BNIP2: variants seen among roughly 807,000 people sequenced by gnomAD.
BNIP2 encodes BCL2/adenovirus E1B 19 kDa protein-interacting protein 2.
In BNIP2, 36 loss-of-function variants were observed where a neutral mutation model predicts 43.4. That is an observed-to-expected ratio of 0.83 (90% CI 0.64 to 1.10). The LOEUF is 1.10. Ranked by LOEUF, BNIP2 falls within the 50% of genes least tolerant of loss-of-function variation. BNIP2 has a pLI of 0.00. For synonymous variants in BNIP2, 146 were observed against 121.0 expected (o/e 1.21, Z -1.35); for missense variants, 417 against 374.1 (o/e 1.11, Z -0.95).
At position 59,664,429 on chromosome 15, in the gene BNIP2, T is replaced by C. The variant is rs1892445967; in HGVS notation, c.894-309A>G. The stretch of plus-strand genomic sequence containing the variant: ...CGGAGTCTTGCTCTGTCACCCAGGC[T>C]GGAGTGCAGTGGCACAATCTCAGCT... On this transcript the variant is annotated intron_variant, in intron 9 of 9. Transcript: ENST00000607373. Among the ~76,000 whole-genome samples the C allele has an allele frequency of 2.0e-5, 3 of 152,158 alleles. No individual in the cohort carries two copies. In the South Asian group the frequency reaches 6.2e-4, roughly 31 times the overall value.
intron 9 of BNIP2, among the ~76,000 whole-genome samples, chr15:59,667,308 T>A (rs967402997): frequency 6.6e-6 from 1 of 152,212 alleles, no homozygotes; most frequent in African/African-American, 2.4e-5. Context: ...TACATATAAA[T>A]CTCTCACCGT....
In BNIP2 at chr15:59,678,876, A is replaced by C. The variant is rs6151512; in HGVS notation, c.295+716T>G. The C allele has an allele frequency of 5.1e-5, 66 of 1,300,224 alleles. No homozygotes were observed. The Admixed American group carries it at 1.5e-3, about 30-fold the overall frequency. The allele number at this position is 1,300,224 out of a possible 1,614,324, so 80.5% of individuals were successfully genotyped here. Reference sequence around the variant, plus strand: ...GAAAGAAGAGACAAAACACATAGGCACAAAACTATTTCAGTATCTTTACAA... The same window carrying C: ...GAAAGAAGAGACAAAACACATAGGCCCAAAACTATTTCAGTATCTTTACAA... On this transcript the variant is annotated intron_variant, in intron 4 of 9. Coordinates refer to ENST00000607373, the MANE Select transcript of BNIP2 (RefSeq NM_004330.4).
intron 8 of BNIP2, 33 bp downstream of exon 8, chr15:59,669,243 A>C (rs756712716): frequency 7.0e-7 from 1 of 1,424,426 alleles, no homozygotes; most frequent in Admixed American, 2.4e-5. Context: ...AATAAAAAAA[A>C]TAAAATTAAA....
At position 59,671,215 on chromosome 15, in the gene BNIP2, CCATCCCAGACTGGG is replaced by C. The variant is rs1566961092; in HGVS notation, c.661_674del (p.Pro221AlafsTer9). The C allele has an allele frequency of 6.2e-7, 1 of 1,601,406 alleles. No individual in the cohort carries two copies. The highest frequency in any genetic ancestry group is 8.5e-7 in the Non-Finnish European group (1 of 1,173,118). On this transcript the variant is annotated frameshift_variant, in exon 7 of 10. Transcript: ENST00000607373. LOFTEE classifies it high-confidence loss of function. ...CAATTTGCTGATAACATTTCCTGAG[CCATCCCAGACTGGG>C]CATTTTTCTTCGAGTTGTTGCACCA...
Position 59,678,013 on chromosome 15 carries a change from T to C in BNIP2, c.370A>G (p.Lys124Glu). Residue 124 changes from lysine to glutamate, a missense_variant, in exon 5 of 10, where the codon AAA (lysine) becomes GAA (glutamate). Transcript: ENST00000607373. ...SITEYTAAEE[K>E]EDGRRWRMFR... ...ATACGCCAGCGTCGTCCATCTTCTT[T>C]TTCCTCTGCTGCTGTGTATTCAGTA... 6.2e-7 allele frequency: 1 copy of C among 1,614,014 alleles called. No individual in the cohort carries two copies. Among genetic ancestry groups the C allele is most frequent in the South Asian group, 1.1e-5 (1 of 91,086 alleles).
chr15:59,670,810 A>G (rs1342884051), intron 7 of BNIP2, among the ~76,000 whole-genome samples: 1 of 152,228 alleles, frequency 6.6e-6, no homozygotes, highest in Non-Finnish European at 1.5e-5. Flanking sequence ...GCGGTGGCTC[A>G]CGCCTGTAAT....
chr15:59,686,023 TA>T, intron 1 of BNIP2, among the ~76,000 whole-genome samples: 1 of 152,250 alleles, frequency 6.6e-6, no homozygotes, highest in African/African-American at 2.4e-5. Context: ...GGCACAGGAA[TA>T]ACTTGATTTC....
In BNIP2 at chr15:59,664,133, G is replaced by T. The variant is rs975218964; in HGVS notation, c.894-13C>A. 1.3e-6 allele frequency: 2 copies of T among 1,491,418 alleles called. No homozygotes were observed. The highest frequency in any genetic ancestry group is 1.4e-5 in the African/African-American group (1 of 70,738). The allele number at this position is 1,491,418 out of a possible 1,614,324, so 92.4% of individuals were successfully genotyped here. A position where few individuals can be genotyped will look rare whatever the true frequency, so the allele number is the denominator to read the frequency against. ...TTCTTGATCAACTCTGTTTAATGAA[G>T]AATATATAAAATAAGAAACCAGCAA... On this transcript the variant is annotated splice_polypyrimidine_tract_variant and intron_variant, in intron 9 of 9. Coordinates refer to ENST00000607373, the MANE Select transcript of BNIP2 (RefSeq NM_004330.4).
chr15:59,673,853 T>C (rs1172271182), intron 5 of BNIP2, among the ~76,000 whole-genome samples: 8 of 152,092 alleles, frequency 5.3e-5, no homozygotes, highest in African/African-American at 1.4e-4. Context: ...TTCGGGAGGC[T>C]GAGGTGGGCA....
chr15:59,677,084 C>CACT (rs1254720859), intron 5 of BNIP2: 3 of 1,609,680 alleles, frequency 1.9e-6, no homozygotes, highest in Non-Finnish European at 2.6e-6. Context: ...GCTAAGAAAG[C>CACT]ACTACCTTCA....
At chr15:59,678,301 A>G in intron 4 of BNIP2, 6 of 1,277,770 alleles carry the variant, frequency 4.7e-6, no homozygotes, top group Non-Finnish European at 5.9e-6. Flanking sequence ...TTTATTGCCC[A>G]ATTTAGCAAA....
intron 5 of BNIP2, among the ~76,000 whole-genome samples, chr15:59,673,322 G>A (rs936893887): frequency 2.8e-4 from 42 of 151,460 alleles, no homozygotes; most frequent in African/African-American, 9.7e-4. Context: ...CACTAAGTTG[G>A]CCAGACTGGT....
intron 5 of BNIP2, among the ~76,000 whole-genome samples, chr15:59,676,382 G>A (rs1893293280): frequency 1.3e-5 from 2 of 151,098 alleles, no homozygotes; most frequent in African/African-American, 4.9e-5. Context: ...TTGTGGAGAC[G>A]AGGTCTATGT....
intron 5 of BNIP2, among the ~76,000 whole-genome samples, chr15:59,674,813 T>C (rs185464249): frequency 1.1e-4 from 16 of 152,362 alleles, no homozygotes; most frequent in Admixed American, 4.6e-4. Context: ...ATGGTACTGT[T>C]AGATTGAAAG....
rs1194522346 is a variant in BNIP2, at chr15:59,660,278, C to G, written c.*3791G>C. 1 of 152,152 alleles carries G rather than the reference C, an allele frequency of 6.6e-6. No homozygotes were observed. The highest frequency in any genetic ancestry group is 2.4e-5 in the African/African-American group (1 of 41,428). The allele number at this position is 152,152 out of a possible 1,614,324, so 9.4% of individuals were successfully genotyped here. A position where few individuals can be genotyped will look rare whatever the true frequency, so the allele number is the denominator to read the frequency against. On this transcript the variant is annotated 3_prime_UTR_variant, in exon 10 of 10. Coordinates refer to ENST00000607373, the MANE Select transcript of BNIP2 (RefSeq NM_004330.4). ...ACTCTATCCCTCTCAGATTTGTGGT[C>G]CATTTCTCAAATGTCCATATAGGAT...
intron 3 of BNIP2, 69 bp downstream of exon 3, chr15:59,680,172 C>T (rs1206288188): frequency 8.8e-7 from 1 of 1,141,210 alleles, no homozygotes; most frequent in South Asian, 2.1e-5. Flanking sequence ...TTTTTTTGGA[C>T]AAAGAAACGT....
chr15:59,673,403 C>A lies in BNIP2; in HGVS notation c.473-664G>T, dbSNP rs186545044. Among the ~76,000 whole-genome samples, 6 of 151,814 alleles carry A rather than the reference C, an allele frequency of 4.0e-5. No homozygotes were observed. In the East Asian group the frequency reaches 1.2e-3, roughly 30 times the overall value. On this transcript the variant is annotated intron_variant, in intron 5 of 9. Transcript: ENST00000607373. The stretch of plus-strand genomic sequence containing the variant: ...TGCTGGGATTACAGGCGTGAGCCAC[C>A]GTGCCCGGCAAAGTGGGTGCTTTTT...
intron 1 of BNIP2, among the ~76,000 whole-genome samples, chr15:59,687,404 T>G (rs1272711835): frequency 6.7e-6 from 1 of 149,388 alleles, no homozygotes; most frequent in East Asian, 2.0e-4. Flanking sequence ...CAGGCTGGAG[T>G]GCAGTGCTGC....
rs1247499480 is a variant in BNIP2 at position 59,669,892 on chromosome 15, CTT to C, written c.708-532_708-531del. 2.0e-5 allele frequency among the ~76,000 whole-genome samples: 3 copies of C among 152,266 alleles called. No homozygotes were observed. In the East Asian group the frequency reaches 5.8e-4, roughly 29 times the overall value. On this transcript the variant is annotated intron_variant, in intron 7 of 9. Transcript: ENST00000607373. ...TCTCCTTTTTAAATGACTAAATACTCTTTGTATTATGCATATTTCACACATAA... is the reference window on the plus strand; with the variant it reads ...TCTCCTTTTTAAATGACTAAATACTCTGTATTATGCATATTTCACACATAA...
Sources: allele counts gnomAD v4.1 joint callset (sites outside exome capture counted in the v4.1 genomes callset), GRCh38; gene constraint gnomAD v4.1.1; transcripts MANE v1.5; gene names NCBI Gene and HGNC (gene_info 2026-07-23, HGNC 2026-07-21).